PCNX2: variants seen among roughly 807,000 people sequenced by gnomAD.
PCNX2 encodes the protein pecanex-like protein 2.
A neutral mutation model predicts 223.8 loss-of-function variants in PCNX2; 168 were observed. The ratio of observed to expected loss-of-function variants is 0.75; its 90% CI spans 0.66 to 0.85. The LOEUF (loss-of-function observed/expected upper bound fraction) is 0.85. Among genes scored for constraint, PCNX2 ranks in the 40% least tolerant of loss-of-function variants. The pLI is 0.00. For synonymous variants in PCNX2, 1,006 were observed against 1,052.6 expected (o/e 0.96, Z 0.86); for missense variants, 2,507 against 2,675.5 (o/e 0.94, Z 1.39).
intron 25 of PCNX2, 26 bp from the exon 26 acceptor site, chr1:233,025,425 GT>G: frequency 6.2e-7 from 1 of 1,610,102 alleles, no homozygotes; most frequent in African/African-American, 1.3e-5. Context: ...CATGAAGGAA[GT>G]TTGAAGAGAA....
intron 17 of PCNX2, among the ~76,000 whole-genome samples, chr1:233,165,638 G>C (rs1231119612): frequency 6.6e-6 from 1 of 151,980 alleles, no homozygotes; most frequent in Non-Finnish European, 1.5e-5. Flanking sequence ...TATATTTAGG[G>C]ATAAATTTGA....
intron 25 of PCNX2, among the ~76,000 whole-genome samples, chr1:233,030,969 T>C (rs1671243678): frequency 6.6e-6 from 1 of 152,210 alleles, no homozygotes; most frequent in South Asian, 2.1e-4. Flanking sequence ...AGCCCAGGAC[T>C]CGGATTCTAT....
intron 23 of PCNX2, among the ~76,000 whole-genome samples, chr1:233,072,423 G>A (rs980609651): frequency 6.6e-6 from 1 of 152,024 alleles, no homozygotes; most frequent in Non-Finnish European, 1.5e-5. Context: ...GCTTGTTTTT[G>A]TCAGGTTGTA....
In PCNX2 at chr1:232,992,012, T is replaced by A. The variant is rs1206972328; in HGVS notation, c.5792-5472A>T. ...TCACTCTGACTTGCTTTGTGGAGATTTACGATTTTGTGTGTTGTCGGAGCT... is the reference window on the plus strand; with the variant it reads ...TCACTCTGACTTGCTTTGTGGAGATATACGATTTTGTGTGTTGTCGGAGCT... On this transcript the variant is annotated intron_variant, in intron 32 of 33. Coordinates refer to ENST00000258229, the MANE Select transcript of PCNX2 (RefSeq NM_014801.4). 2.0e-5 allele frequency among the ~76,000 whole-genome samples: 3 copies of A among 152,276 alleles called. No individual in the cohort carries two copies. In the East Asian group the frequency reaches 5.8e-4, roughly 29 times the overall value.
chr1:233,295,323 C>G lies in PCNX2; in HGVS notation c.153+3G>C, dbSNP rs758082838. On this transcript the variant is annotated splice_donor_region_variant and intron_variant, in intron 1 of 33. Transcript: ENST00000258229. The surrounding 1 kb of genome is among the most constrained non-coding windows in gnomAD (Gnocchi z 4.1). ...TCCCCGGGACCGGACCCTCCCCACTCACCAGGTGCAGGGCCAGGGGCAGCA... is the reference window on the plus strand; with the variant it reads ...TCCCCGGGACCGGACCCTCCCCACTGACCAGGTGCAGGGCCAGGGGCAGCA... 1.3e-6 allele frequency: 2 copies of G among 1,575,628 alleles called. No individual in the cohort carries two copies. The highest frequency in any genetic ancestry group is 1.7e-6 in the Non-Finnish European group (2 of 1,160,444).
At chr1:233,248,041 C>T (rs1259233961) in intron 8 of PCNX2, among the ~76,000 whole-genome samples, 4 of 152,078 alleles carry the variant, frequency 2.6e-5, no homozygotes, top group Non-Finnish European at 5.9e-5. Context: ...AAGACCTTGC[C>T]CATTGGAGCA....
chr1:233,302,245 A>AT, the PCNX2 span, among the ~76,000 whole-genome samples: 6 of 152,120 alleles, frequency 3.9e-5, no homozygotes, highest in African/African-American at 9.7e-5. Flanking sequence ...GATCTAATTG[A>AT]TTTTTTTACT....
intron 30 of PCNX2, 65 bp from the exon 31 acceptor site, chr1:232,999,444 T>A: frequency 6.9e-7 from 1 of 1,448,256 alleles, no homozygotes; most frequent in African/African-American, 1.4e-5. Context: ...TATTGGTTTT[T>A]TCTTTTTCTT....
At chr1:233,293,554 T>C (rs1227475384) in intron 1 of PCNX2, among the ~76,000 whole-genome samples, 2 of 152,240 alleles carry the variant, frequency 1.3e-5, no homozygotes, top group African/African-American at 2.4e-5. Context: ...TACAGAATGC[T>C]GTAAAACTAA....
chr1:233,018,935 T>A (rs1572016951), intron 26 of PCNX2: 1 of 985,452 alleles, frequency 1.0e-6, no homozygotes, highest in Non-Finnish European at 1.2e-6. Context: ...GGAAACGAAG[T>A]CTTCAGTGAC....
intron 1 of PCNX2, among the ~76,000 whole-genome samples, chr1:233,270,067 A>G (rs967345893): frequency 1.3e-5 from 2 of 152,162 alleles, no homozygotes; most frequent in African/African-American, 2.4e-5. Flanking sequence ...ATCCCCATTC[A>G]TTCATTCATT....
chr1:233,150,232 T>G (rs1677716814), intron 19 of PCNX2, among the ~76,000 whole-genome samples: 2 of 152,226 alleles, frequency 1.3e-5, no homozygotes, highest in Non-Finnish European at 2.9e-5. Context: ...TAGAACAAAG[T>G]CTGAGGAGAA....
chr1:233,184,028 A>C (rs565128385), intron 15 of PCNX2, among the ~76,000 whole-genome samples: 1 of 152,174 alleles, frequency 6.6e-6, no homozygotes, highest in East Asian at 1.9e-4. Flanking sequence ...TAAACACAAA[A>C]CGTTTTCCAA....
intron 25 of PCNX2, among the ~76,000 whole-genome samples, chr1:233,052,674 G>T (rs1340327627): frequency 6.6e-6 from 1 of 152,104 alleles, no homozygotes; most frequent in African/African-American, 2.4e-5. Flanking sequence ...GCATCTTAAG[G>T]TGGGGGCTTC....
chr1:233,313,589 G>T, the PCNX2 span, among the ~76,000 whole-genome samples: 4 of 151,780 alleles, frequency 2.6e-5, no homozygotes, highest in African/African-American at 9.7e-5. Context: ...GAGAAAGTGG[G>T]GAGGGAATGA....
intron 25 of PCNX2, chr1:233,032,086 G>A: frequency 1.1e-6 from 1 of 919,700 alleles, no homozygotes; most frequent in Non-Finnish European, 1.3e-6. Context: ...AAATAAGACA[G>A]TTTTCTTTCT....
intron 17 of PCNX2, among the ~76,000 whole-genome samples, chr1:233,167,284 C>A (rs960124316): frequency 6.6e-6 from 1 of 151,904 alleles, no homozygotes. Context: ...AGCGAAATAA[C>A]CCAGACACAG....
chr1:233,257,611 T>G (rs376934832), intron 5 of PCNX2, among the ~76,000 whole-genome samples: 51 of 152,322 alleles, frequency 3.3e-4, no homozygotes, highest in African/African-American at 1.2e-3. Flanking sequence ...ATTCTGTATT[T>G]TATAATAGAA....
At chr1:233,299,598 A>T (rs1662225751), upstream of PCNX2, among the ~76,000 whole-genome samples, 1 of 152,196 alleles carries the variant, frequency 6.6e-6, no homozygotes, top group Admixed American at 6.5e-5. Flanking sequence ...CAAGAGATAG[A>T]TCCATGGCAG....
Sources: gnomAD v4.1 joint callset for allele counts (sites outside exome capture counted in the v4.1 genomes callset) on GRCh38, gnomAD v4.1.1 for gene constraint, Gnocchi (gnomAD v3.1) non-coding constraint, MANE v1.5 for transcripts, NCBI Gene and HGNC (gene_info 2026-07-23, HGNC 2026-07-21) for gene names.